Variants in PTPRD observed in about 807,000 individuals in gnomAD.
The protein encoded by PTPRD is receptor-type tyrosine-protein phosphatase delta.
A neutral mutation model predicts 214.5 loss-of-function variants in PTPRD; 34 were observed. That is an observed-to-expected ratio of 0.16 (90% CI 0.12 to 0.21). The LOEUF is 0.21. PTPRD is among the 10% of genes least tolerant of loss of function. PTPRD has a pLI of 1.00. For synonymous variants in PTPRD, 1,128 were observed against 845.7 expected (o/e 1.33, Z -5.79); for missense variants, 2,545 against 2,398.7 (o/e 1.06, Z -1.27).
chr9:10,541,547 A>G (rs1198216519), intron 2 of PTPRD, among the ~76,000 whole-genome samples: 1 of 151,898 alleles, frequency 6.6e-6, no homozygotes, highest in African/African-American at 2.4e-5. Context: ...ATATATTTAT[A>G]TAATACACAA....
intron 10 of PTPRD, among the ~76,000 whole-genome samples, chr9:9,078,662 G>A (rs1363460834): frequency 1.3e-5 from 2 of 151,948 alleles, no homozygotes; most frequent in East Asian, 3.9e-4. Flanking sequence ...TTACTGGGGA[G>A]TGTTCTCAGG....
chr9:9,712,323 A>T (rs2097753108), intron 7 of PTPRD, among the ~76,000 whole-genome samples: 1 of 152,144 alleles, frequency 6.6e-6, no homozygotes, highest in Non-Finnish European at 1.5e-5. Flanking sequence ...TTTTTCTCCT[A>T]TTGCTTCAGC....
At chr9:9,976,689 C>CAAAAAA (rs869096131) in intron 4 of PTPRD, among the ~76,000 whole-genome samples, 5,962 of 63,092 alleles carry the variant, frequency 0.094, 478 homozygotes, top group African/African-American at 0.12. Context: ...ACCCTGCCAC[C>CAAAAAA]AAAAAAAAAA....
At chr9:10,435,746 T>C (rs1281040293) in intron 2 of PTPRD, among the ~76,000 whole-genome samples, 1 of 151,862 alleles carries the variant, frequency 6.6e-6, no homozygotes, top group Admixed American at 6.6e-5. Context: ...AATTATTTAA[T>C]GAGGGTTACA....
chr9:8,515,667 T>C (rs575928506), intron 21 of PTPRD, among the ~76,000 whole-genome samples: 2 of 152,168 alleles, frequency 1.3e-5, no homozygotes, highest in Admixed American at 6.6e-5. Context: ...CTTCTACATG[T>C]CATGGTACAG....
intron 5 of PTPRD, among the ~76,000 whole-genome samples, chr9:9,883,896 T>C (rs1052833604): frequency 1.3e-5 from 2 of 152,140 alleles, no homozygotes; most frequent in East Asian, 1.9e-4. Context: ...TCAATGAAAT[T>C]ATTCTGTTAG....
intron 3 of PTPRD, among the ~76,000 whole-genome samples, chr9:10,247,494 A>G (rs1045254622): frequency 1.4e-4 from 21 of 152,172 alleles, no homozygotes; most frequent in African/African-American, 4.6e-4. Context: ...CATAATTTAC[A>G]CACACATTAC....
At chr9:8,683,218 G>C (rs1400971171) in intron 12 of PTPRD, among the ~76,000 whole-genome samples, 2 of 152,122 alleles carry the variant, frequency 1.3e-5, no homozygotes, top group Admixed American at 1.3e-4. Flanking sequence ...CTCTCTGAAG[G>C]AATTCTCTTC....
At chr9:9,983,420 A>G (rs182165765) in intron 4 of PTPRD, among the ~76,000 whole-genome samples, 30 of 152,352 alleles carry the variant, frequency 2.0e-4, no homozygotes, top group African/African-American at 6.5e-4. Context: ...AAAACAGAAC[A>G]AACACTCTGT....
At chr9:8,948,080 T>C (rs1036554839) in intron 11 of PTPRD, among the ~76,000 whole-genome samples, 5 of 149,384 alleles carry the variant, frequency 3.3e-5, no homozygotes, top group Admixed American at 1.4e-4. Context: ...AGTGCAGTGG[T>C]GTGATCTCTG....
chr9:8,575,752 T>G (rs143131105), intron 14 of PTPRD, among the ~76,000 whole-genome samples: 1 of 152,134 alleles, frequency 6.6e-6, no homozygotes, highest in East Asian at 1.9e-4. Context: ...TGAGTTTAAG[T>G]TGCAAAAACA....
intron 8 of PTPRD, among the ~76,000 whole-genome samples, chr9:9,478,143 G>C (rs992614952): frequency 2.6e-5 from 4 of 151,128 alleles, no homozygotes; most frequent in African/African-American, 9.7e-5. Flanking sequence ...CCTTGTTACA[G>C]TTTTAGCAAT....
At chr9:8,414,968 AG>A (rs1564642358) in intron 35 of PTPRD, among the ~76,000 whole-genome samples, 3 of 149,418 alleles carry the variant, frequency 2.0e-5, no homozygotes, top group African/African-American at 7.5e-5. Flanking sequence ...AGAGAGAGAG[AG>A]AGAGACAGAC....
At chr9:9,256,431 G>A (rs1435955308) in intron 9 of PTPRD, among the ~76,000 whole-genome samples, 1 of 141,670 alleles carries the variant, frequency 7.1e-6, no homozygotes, top group Non-Finnish European at 1.5e-5. Flanking sequence ...TTCCATTTTT[G>A]TACTATTTTT....
chr9:9,361,599 A>G (rs2056183598), intron 9 of PTPRD, among the ~76,000 whole-genome samples: 1 of 151,024 alleles, frequency 6.6e-6, no homozygotes, highest in African/African-American at 2.4e-5. Flanking sequence ...AAATCAGTGT[A>G]ATTGGGATAT....
At chr9:9,522,697 T>A (rs1409030806) in intron 8 of PTPRD, among the ~76,000 whole-genome samples, 1 of 152,124 alleles carries the variant, frequency 6.6e-6, no homozygotes, top group Non-Finnish European at 1.5e-5. Context: ...AATAAATTTT[T>A]AAAAAGGCTT....
chr9:9,693,968 TA>T (rs1406123643), intron 7 of PTPRD, among the ~76,000 whole-genome samples: 1 of 152,204 alleles, frequency 6.6e-6, no homozygotes, highest in Non-Finnish European at 1.5e-5. Context: ...CAATCTCTGT[TA>T]AATTTATCCG....
intron 3 of PTPRD, among the ~76,000 whole-genome samples, chr9:10,096,877 A>AAAG (rs1456377445): frequency 6.6e-6 from 1 of 151,960 alleles, no homozygotes; most frequent in Non-Finnish European, 1.5e-5. Flanking sequence ...TTTTAGGTCT[A>AAAG]ACACTGAAGT....
At chr9:9,787,556 G>A (rs1247440918) in intron 5 of PTPRD, among the ~76,000 whole-genome samples, 3 of 151,702 alleles carry the variant, frequency 2.0e-5, no homozygotes, top group Non-Finnish European at 4.4e-5. Context: ...CAAAGGAAGG[G>A]TAAAATAAGA....
Sources: gnomAD v4.1 joint callset for allele counts (sites outside exome capture counted in the v4.1 genomes callset) on GRCh38, gnomAD v4.1.1 for gene constraint, MANE v1.5 for transcripts, NCBI Gene and HGNC (gene_info 2026-07-23, HGNC 2026-07-21) for gene names.